Variants in SLC46A3 observed in about 807,000 individuals in gnomAD.
SLC46A3 encodes the protein lysosomal proton-coupled steroid conjugate and bile acid symporter SLC46A3.
Under a neutral mutation model 38.5 loss-of-function variants are expected in SLC46A3, and 26 were observed. The ratio of observed to expected loss-of-function variants is 0.68; its 90% CI spans 0.49 to 0.94. SLC46A3 has a LOEUF of 0.94. Among genes scored for constraint, SLC46A3 ranks in the 40% least tolerant of loss-of-function variants. The pLI is 0.00. For synonymous variants in SLC46A3, 185 were observed against 192.5 expected (o/e 0.96, Z 0.32); for missense variants, 510 against 544.3 (o/e 0.94, Z 0.63).
At position 28,701,053 on chromosome 13, in the gene SLC46A3, A is replaced by C; in HGVS notation, c.*444T>G. On this transcript the variant is annotated 3_prime_UTR_variant, in exon 6 of 6. Coordinates refer to ENST00000266943, the MANE Select transcript of SLC46A3 (RefSeq NM_181785.4). ...CAATGAGTGATTCATCATAATTTTC[A>C]TTATGCCTTCAAAATTATCCCTGAG... The C allele has an allele frequency of 1.3e-6, 2 of 1,503,972 alleles. No homozygotes were observed. The highest frequency in any genetic ancestry group is 1.3e-5 in the South Asian group (1 of 76,318). The allele number at this position is 1,503,972 out of a possible 1,614,324, so 93.2% of individuals were successfully genotyped here. A position where few individuals can be genotyped will look rare whatever the true frequency, so the allele number is the denominator to read the frequency against.
chr13:28,705,461 T>C (rs1043691381), intron 4 of SLC46A3, among the ~76,000 whole-genome samples: 15 of 152,252 alleles, frequency 9.9e-5, no homozygotes, highest in African/African-American at 3.4e-4. Context: ...TCTCATATAT[T>C]GCTTCAAATT....
chr13:28,717,400 G>T (rs573251530), intron 2 of SLC46A3, among the ~76,000 whole-genome samples: 1 of 151,374 alleles, frequency 6.6e-6, no homozygotes, highest in East Asian at 1.9e-4. Flanking sequence ...GAAGAATAGA[G>T]CAAGTGAGAG....
rs774935736 is a variant in SLC46A3, at chr13:28,706,461, T to C, written c.1145-2362A>G. ...AGTTTGCAGTTAAGAACAAAGTAAG[T>C]ATCCTAGAATAATGAAGTCACAATT... On this transcript the variant is annotated intron_variant, in intron 4 of 5. Transcript: ENST00000266943. 2.1e-4 allele frequency among the ~76,000 whole-genome samples: 32 copies of C among 152,314 alleles called. 1 individual carries two copies. Among genetic ancestry groups the C allele is most frequent in the Non-Finnish European group, 4.1e-4 (28 of 68,020 alleles).
chr13:28,714,141 CA>C (rs764114430), intron 2 of SLC46A3, among the ~76,000 whole-genome samples: 10 of 14,294 alleles, frequency 7.0e-4, no homozygotes, highest in African/African-American at 1.8e-3. Context: ...CCAAAAAATA[CA>C]AAAAAAAAAA....
chr13:28,709,389 T>C (rs997597945), intron 4 of SLC46A3, among the ~76,000 whole-genome samples: 1 of 152,100 alleles, frequency 6.6e-6, no homozygotes, highest in Non-Finnish European at 1.5e-5. Context: ...TTATGTAGCC[T>C]TCTCCAGTAT....
In SLC46A3 at chr13:28,712,751, A is replaced by G. The variant is rs151136513; in HGVS notation, c.989T>C (p.Ile330Thr). The change falls in exon 3 of 6, where the codon ATT (isoleucine) becomes ACT (threonine). Residue 330 changes from isoleucine to threonine, a missense_variant. Transcript: ENST00000266943. Reference sequence around the variant, plus strand: ...TCCTGTCATCGTGGTAAAAATCCCAATGAAGGCCATATGAATATCTTCCAT... The same window carrying G: ...TCCTGTCATCGTGGTAAAAATCCCAGTGAAGGCCATATGAATATCTTCCAT... Reference protein sequence around the residue: ...YCMEDIHMAFIGIFTTMTGMA... With the variant: ...YCMEDIHMAFTGIFTTMTGMA... 2.3e-4 allele frequency: 368 copies of G among 1,610,200 alleles called. 1 individual carries two copies. The highest frequency in any genetic ancestry group is 2.2e-4 in the Admixed American group (13 of 59,010).
intron 3 of SLC46A3, among the ~76,000 whole-genome samples, chr13:28,711,944 T>G (rs1358848581): frequency 3.3e-5 from 5 of 152,174 alleles, no homozygotes; most frequent in African/African-American, 1.2e-4. Context: ...CTGAGAGTAG[T>G]TCAGTAACTT....
chr13:28,710,353 C>A (rs1885306763), intron 4 of SLC46A3, among the ~76,000 whole-genome samples: 1 of 152,244 alleles, frequency 6.6e-6, no homozygotes, highest in Non-Finnish European at 1.5e-5. Flanking sequence ...GCACAGTCCA[C>A]CCTCAGGAGA....
rs1291366484 is a variant in SLC46A3 at position 28,713,084 on chromosome 13, C to G, written c.656G>C (p.Gly219Ala). 1 of 1,611,004 alleles carries G rather than the reference C, an allele frequency of 6.2e-7. No individual in the cohort carries two copies. The highest frequency in any genetic ancestry group is 1.7e-5 in the Admixed American group (1 of 59,418). The change falls in exon 3 of 6, where the codon GGA becomes GCA. Residue 219 changes from glycine to alanine, a missense_variant. Physicochemically the swap from Gly to Ala is moderately conservative, Grantham distance 60. Transcript: ENST00000266943. ...VNLIYILFFL[G>A]DPVKECSSQN... ...AGATGAACACTCTTTCACTGGATCTCCGAGAAAAAATAAAATATAGATCAA... is the reference window on the plus strand; with the variant it reads ...AGATGAACACTCTTTCACTGGATCTGCGAGAAAAAATAAAATATAGATCAA...
chr13:28,702,686 A>G (rs1885061254), intron 5 of SLC46A3, among the ~76,000 whole-genome samples: 1 of 152,224 alleles, frequency 6.6e-6, no homozygotes, highest in Non-Finnish European at 1.5e-5. Context: ...AATTAGAGGA[A>G]CTGCAAATAC....
Position 28,713,213 on chromosome 13 carries a change from A to G in SLC46A3, c.527T>C (p.Leu176Pro), listed in dbSNP as rs773629063. 3.7e-6 allele frequency: 6 copies of G among 1,614,128 alleles called. No homozygotes were observed. Among genetic ancestry groups the G allele is most frequent in the African/African-American group, 1.3e-5 (1 of 75,062 alleles). Reference protein sequence around the residue: ...TIRIAIIDFLLGLVTGLTGLS... With the variant: ...TIRIAIIDFLPGLVTGLTGLS... ...TCCTGTTAGTCCAGTAACAAGTCCA[A>G]GTAGAAAGTCAATGATAGCTATTCG... Residue 176 changes from leucine (L) to proline (P), a missense_variant, in exon 3 of 6, where the codon CTT (leucine) becomes CCT (proline). Leu to Pro is a moderately conservative substitution (Grantham distance 98, BLOSUM62 -3). Coordinates refer to ENST00000266943, the MANE Select transcript of SLC46A3 (RefSeq NM_181785.4).
At chr13:28,704,299 G>A (rs1885115754) in intron 4 of SLC46A3, 200 bp from the exon 5 acceptor site, 1 of 566,284 alleles carries the variant, frequency 1.8e-6, no homozygotes, top group Non-Finnish European at 3.1e-6. Context: ...CTAAGGGAAA[G>A]GTTCTCCTTG....
intron 3 of SLC46A3, among the ~76,000 whole-genome samples, chr13:28,711,426 G>GA (rs79197472): frequency 2.9e-3 from 240 of 83,666 alleles, no homozygotes; most frequent in Middle Eastern, 0.012. Context: ...CCATCTCAAA[G>GA]AAAAAAAAAA....
intron 4 of SLC46A3, among the ~76,000 whole-genome samples, chr13:28,707,694 A>C (rs2137827364): frequency 6.6e-6 from 1 of 152,338 alleles, no homozygotes; most frequent in Non-Finnish European, 1.5e-5. Flanking sequence ...GGATATAATT[A>C]ACATCCCACA....
At chr13:28,712,041 C>A (rs1885358956) in intron 3 of SLC46A3, among the ~76,000 whole-genome samples, 1 of 152,198 alleles carries the variant, frequency 6.6e-6, no homozygotes, top group Non-Finnish European at 1.5e-5. Context: ...AAGGGGTTAA[C>A]ACTTTTATTA....
chr13:28,703,744 C>A, intron 5 of SLC46A3, 199 bp downstream of exon 5: 1 of 378,256 alleles, frequency 2.6e-6, no homozygotes, highest in Non-Finnish European at 4.7e-6. Context: ...CATCCTTGCA[C>A]AGGGAGCATG....
At chr13:28,710,106 C>T (rs1343967249) in intron 4 of SLC46A3, among the ~76,000 whole-genome samples, 1 of 152,186 alleles carries the variant, frequency 6.6e-6, no homozygotes, top group East Asian at 1.9e-4. Context: ...ACTTAGGATT[C>T]TCAGACGTTT....
rs141827701 is a variant in SLC46A3 at position 28,713,313 on chromosome 13, T to C, written c.427A>G (p.Asn143Asp). The C allele has an allele frequency of 3.1e-5, 50 of 1,613,940 alleles. No individual in the cohort carries two copies. In the African/African-American group the frequency reaches 6.5e-4, roughly 21 times the overall value. The change falls in exon 3 of 6, where the codon AAT (asparagine) becomes GAT (aspartate). Residue 143 changes from asparagine to aspartate, a missense_variant. By Grantham distance (23) the Asn-to-Asp change is conservative. Coordinates refer to ENST00000266943, the MANE Select transcript of SLC46A3 (RefSeq NM_181785.4). ...ASTFIGAFCG[N>D]YTTFWGACFA... ...CAAGCTCCCCAAAATGTGGTATAATTGCCACAAAATGCACCAATGAAGGTA... is the reference window on the plus strand; with the variant it reads ...CAAGCTCCCCAAAATGTGGTATAATCGCCACAAAATGCACCAATGAAGGTA...
intron 3 of SLC46A3, 156 bp downstream of exon 3, chr13:28,712,524 C>T (rs1327019761): frequency 1.1e-5 from 7 of 629,802 alleles, no homozygotes; most frequent in South Asian, 6.4e-5. Context: ...CGGCTTTTGG[C>T]TTATTGACTC....
Sources: gnomAD v4.1 joint callset for allele counts (sites outside exome capture counted in the v4.1 genomes callset) on GRCh38, gnomAD v4.1.1 for gene constraint, MANE v1.5 for transcripts, NCBI Gene and HGNC (gene_info 2026-07-23, HGNC 2026-07-21) for gene names.